Variants in FAAH2 observed in about 807,000 individuals in gnomAD.
FAAH2 encodes the protein fatty-acid amide hydrolase 2.
FAAH2 carries 60 observed loss-of-function variants against 36.9 expected under a neutral mutation model. The observed-to-expected ratio is 1.63, with a 90% CI of 1.32 to 2.02. The LOEUF (loss-of-function observed/expected upper bound fraction) is 2.02, where lower values mean the gene tolerates loss of function less well. Among genes scored for constraint, FAAH2 ranks in the 30% most tolerant of loss-of-function variants. The pLI is 0.00. For synonymous variants in FAAH2, 214 were observed against 143.8 expected, an observed-to-expected ratio of 1.49 and a Z score of -3.49; for missense variants, 689 against 397.5, an observed-to-expected ratio of 1.73 and a Z score of -6.23.
At chrX:57,437,331 C>T (rs1280520938) in intron 8 of FAAH2, among the ~76,000 whole-genome samples, 20 of 110,657 alleles carry the variant, frequency 1.8e-4, no homozygotes, top group African/African-American at 6.5e-4. Flanking sequence ...GACAAGGATG[C>T]CCACTTTCAC....
chrX:57,202,724 A>G, the FAAH2 span, among the ~76,000 whole-genome samples: 25 of 111,922 alleles, frequency 2.2e-4, no homozygotes, highest in African/African-American at 8.1e-4. Context: ...TCCTTCAGTG[A>G]AGCATGTTCC....
chrX:57,412,319 C>T (rs769184024), intron 7 of FAAH2, among the ~76,000 whole-genome samples: 9 of 111,319 alleles, frequency 8.1e-5, no homozygotes, highest in South Asian at 3.8e-4. Context: ...GTTTGCTGCA[C>T]CTAACAACCT....
the FAAH2 span, among the ~76,000 whole-genome samples, chrX:57,241,025 C>A: frequency 2.7e-5 from 3 of 112,015 alleles, no homozygotes; most frequent in Non-Finnish European, 5.6e-5. Context: ...TGCTCCACTG[C>A]AGCCATTCTG....
At chrX:57,279,467 G>A in the FAAH2 span, among the ~76,000 whole-genome samples, 2 of 111,770 alleles carry the variant, frequency 1.8e-5, no homozygotes, top group African/African-American at 6.5e-5. Flanking sequence ...TGGGGGACTA[G>A]GTGAGGGATA....
chrX:57,180,638 AAACAACAAC>A, the FAAH2 span, among the ~76,000 whole-genome samples: 1 of 110,966 alleles, frequency 9.0e-6, no homozygotes, highest in Non-Finnish European at 1.9e-5. Flanking sequence ...CCTGCCAACC[AAACAACAAC>A]AACAACAACA....
At chrX:57,292,873 T>C (rs1189568107) in intron 2 of FAAH2, among the ~76,000 whole-genome samples, 1 of 111,845 alleles carries the variant, frequency 8.9e-6, no homozygotes, top group Admixed American at 9.5e-5. Context: ...TAGGCATCAT[T>C]GAACATTTAC....
rs2057326504 is a variant in FAAH2 at position 57,479,047 on chromosome X, G to C, written c.1424-9710G>C. 6.3e-5 allele frequency among the ~76,000 whole-genome samples: 7 copies of C among 111,094 alleles called. No homozygotes were observed. In the Admixed American group the frequency reaches 6.7e-4, roughly 11 times the overall value. ...AAGAAAGACATTGGTAGCTTGATGG[G>C]GATGGCAATGAATGTATAAATGACC... On this transcript the variant is annotated intron_variant, in intron 10 of 10. Coordinates refer to ENST00000374900, the MANE Select transcript of FAAH2 (RefSeq NM_174912.4).
the FAAH2 span, among the ~76,000 whole-genome samples, chrX:57,157,843 T>C: frequency 9.0e-6 from 1 of 111,155 alleles, no homozygotes; most frequent in Non-Finnish European, 1.9e-5. Flanking sequence ...TCTCTTGAAC[T>C]TCTTTCTTTC....
chrX:57,131,313 CTGACCTCA>C, the FAAH2 span, among the ~76,000 whole-genome samples: 5 of 108,630 alleles, frequency 4.6e-5, no homozygotes, highest in African/African-American at 1.7e-4. Context: ...TCTCGATCTC[CTGACCTCA>C]TGATCCACCC....
chrX:57,353,487 T>TAAAAAAAAAAA (rs3035714), intron 5 of FAAH2, among the ~76,000 whole-genome samples: 5 of 83,812 alleles, frequency 6.0e-5, no homozygotes, highest in Admixed American at 1.4e-4. Flanking sequence ...CCCAAATTAT[T>TAAAAAAAAAAA]AAAAAAAAAA....
chrX:57,351,592 A>G (rs1391639354), intron 5 of FAAH2, among the ~76,000 whole-genome samples: 1 of 110,555 alleles, frequency 9.0e-6, no homozygotes, highest in Non-Finnish European at 1.9e-5. Context: ...GAGCTAAGCT[A>G]ACAAAAAAGG....
the FAAH2 span, among the ~76,000 whole-genome samples, chrX:57,272,695 C>A: frequency 1.8e-5 from 2 of 112,199 alleles, no homozygotes; most frequent in African/African-American, 3.2e-5. Flanking sequence ...CCTTTACAGG[C>A]AAGCAAATGC....
intron 5 of FAAH2, among the ~76,000 whole-genome samples, chrX:57,361,847 C>A (rs1031346099): frequency 5.4e-5 from 6 of 111,087 alleles, no homozygotes; most frequent in East Asian, 5.7e-4. Context: ...TTATGAAATC[C>A]CTCATCTTGT....
chrX:57,360,973 A>T (rs1004892433), intron 5 of FAAH2, among the ~76,000 whole-genome samples: 2 of 111,806 alleles, frequency 1.8e-5, no homozygotes, highest in African/African-American at 3.3e-5. Context: ...GATGGCTTCC[A>T]GCTTCATCCA....
At chrX:57,340,921 G>A (rs1429346419) in intron 4 of FAAH2, among the ~76,000 whole-genome samples, 1 of 109,584 alleles carries the variant, frequency 9.1e-6, no homozygotes, top group African/African-American at 3.3e-5. Flanking sequence ...TAGCAAACCT[G>A]CACATCCTGC....
the FAAH2 span, among the ~76,000 whole-genome samples, chrX:57,237,670 C>T: frequency 4.5e-5 from 5 of 110,647 alleles, no homozygotes; most frequent in African/African-American, 9.8e-5. Flanking sequence ...ATCTAAAGAG[C>T]TTCTGCATAG....
chrX:57,480,804 T>G (rs1371814903), intron 10 of FAAH2, among the ~76,000 whole-genome samples: 2 of 111,421 alleles, frequency 1.8e-5, no homozygotes, highest in Admixed American at 9.6e-5. Flanking sequence ...GTTGGGGAAT[T>G]TTCCTGGATA....
intron 7 of FAAH2, among the ~76,000 whole-genome samples, chrX:57,389,921 G>C (rs2055124110): frequency 9.1e-6 from 1 of 109,592 alleles, no homozygotes; most frequent in Admixed American, 9.8e-5. Flanking sequence ...TGGCTTTGGT[G>C]TGCATTCACC....
chrX:57,121,668 T>C, the FAAH2 span: 12 of 112,435 alleles, frequency 1.1e-4, no homozygotes, highest in African/African-American at 3.9e-4. Context: ...CCGGCGGAGC[T>C]ATGGGCTCTG....
Sources: allele counts gnomAD v4.1 joint callset (sites outside exome capture counted in the v4.1 genomes callset), GRCh38; gene constraint gnomAD v4.1.1; transcripts MANE v1.5; gene names NCBI Gene and HGNC (gene_info 2026-07-23, HGNC 2026-07-21).